The following U2AF2 variants were observed in gnomAD, a reference collection of about 807,000 sequenced individuals.
U2AF2 encodes U2 small nuclear RNA auxiliary factor 2.
Under a neutral mutation model 52.6 loss-of-function variants are expected in U2AF2, and 6 were observed. That is an observed-to-expected ratio of 0.11 (90% CI 0.06 to 0.23). U2AF2 has a LOEUF of 0.23. U2AF2 is among the 10% of genes least tolerant of loss of function. U2AF2 has a pLI of 1.00. For missense variants in U2AF2, 222 were observed against 677.1 expected (o/e 0.33, Z 7.46); for synonymous variants, 284 against 258.2 (o/e 1.10, Z -0.96).
intron 11 of U2AF2, among the ~76,000 whole-genome samples, chr19:55,672,670 G>A (rs562210974): frequency 6.6e-6 from 1 of 151,264 alleles, no homozygotes; most frequent in Admixed American, 6.6e-5. Context: ...ACAATAGCAT[G>A]ATTAGATTAG....
chr19:55,670,069 A>G (rs1021118214), intron 11 of U2AF2, among the ~76,000 whole-genome samples: 4 of 152,200 alleles, frequency 2.6e-5, no homozygotes, highest in Middle Eastern at 3.4e-3. Context: ...TGCCGGGAAC[A>G]GTCCCGAGAC....
rs993117469 is a variant in U2AF2, at chr19:55,668,137, T to G, written c.743-370T>G. The stretch of plus-strand genomic sequence containing the variant: ...GGTGGCTGTCAGAGAAGGGGTGGGG[T>G]GTGTTGTGACTCACCAGTAGGTCCC... On this transcript the variant is annotated intron_variant, in intron 7 of 11. Transcript: ENST00000308924. The surrounding 1 kb of genome is among the most constrained non-coding windows in gnomAD (Gnocchi z 5.5). 1.3e-5 allele frequency among the ~76,000 whole-genome samples: 2 copies of G among 151,654 alleles called. No individual in the cohort carries two copies. Among genetic ancestry groups the G allele is most frequent in the East Asian group, 3.9e-4 (2 of 5,182 alleles).
In U2AF2 at chr19:55,660,630, G is replaced by A. The variant is rs766298165; in HGVS notation, c.334+11G>A. ...ACAAGGCCATGCAAGGTAGGCCCCT[G>A]GCCAGGCTGCTCCCAGAGCGGGAGG... is the stretch of plus-strand genomic sequence containing the variant. On this transcript the variant is annotated intron_variant, in intron 4 of 11. Transcript: ENST00000308924. The A allele has an allele frequency of 6.2e-7, 1 of 1,611,374 alleles. No homozygotes were observed. Among genetic ancestry groups the A allele is most frequent in the Non-Finnish European group, 8.5e-7 (1 of 1,178,534 alleles).
At position 55,659,276 on chromosome 19, in the gene U2AF2, G is replaced by A. The variant is rs760990287; in HGVS notation, c.116G>A (p.Arg39His). ...HSRSRSRDRK[R>H]RSRSRDRRNR... Reference sequence around the variant, plus strand: ...CGCTCTCGGAGCCGGGACCGCAAACGCCGGAGCCGGAGCCGCGACCGGCGC... The same window carrying A: ...CGCTCTCGGAGCCGGGACCGCAAACACCGGAGCCGGAGCCGCGACCGGCGC... The change falls in exon 2 of 12, where the codon CGC becomes CAC. Residue 39 changes from arginine (R) to histidine (H), a missense_variant. Physicochemically the swap from Arg to His is conservative, Grantham distance 29. Transcript: ENST00000308924. 2.5e-6 allele frequency: 4 copies of A among 1,600,826 alleles called. No individual in the cohort carries two copies. Among genetic ancestry groups the A allele is most frequent in the East Asian group, 2.3e-5 (1 of 43,984 alleles).
chr19:55,658,625 T>A (rs1005085635), intron 1 of U2AF2, among the ~76,000 whole-genome samples: 2 of 152,176 alleles, frequency 1.3e-5, no homozygotes, highest in Non-Finnish European at 2.9e-5. Flanking sequence ...CCCTTCAGTC[T>A]GCAGATTCTC....
At chr19:55,660,887 C>T (rs1420869946) in intron 4 of U2AF2, 151 bp from the exon 5 acceptor site, 3 of 1,303,198 alleles carry the variant, frequency 2.3e-6, no homozygotes, top group East Asian at 2.6e-5. Context: ...TGGGTGGGGG[C>T]CCCGAGGGTG....
chr19:55,662,430 T>A, intron 5 of U2AF2, 72 bp from the exon 6 acceptor site: 1 of 499,384 alleles, frequency 2.0e-6, no homozygotes, highest in Non-Finnish European at 2.9e-6. Flanking sequence ...TGTGTCTCCC[T>A]CTCTCACCCT....
At chr19:55,663,799 C>T in intron 7 of U2AF2, 55 bp downstream of exon 7, 7 of 1,603,378 alleles carry the variant, frequency 4.4e-6, no homozygotes, top group Non-Finnish European at 6.0e-6. Flanking sequence ...TTCCCATGGC[C>T]TGTCCATCCC....
intron 7 of U2AF2, among the ~76,000 whole-genome samples, chr19:55,665,758 C>G (rs1222055276): frequency 6.6e-6 from 1 of 152,204 alleles, no homozygotes; most frequent in Non-Finnish European, 1.5e-5. Context: ...AAGCGATTCT[C>G]CTGCCTCAGC....
intron 11 of U2AF2, chr19:55,671,300 G>A (rs1406065148): frequency 6.6e-6 from 1 of 151,658 alleles, no homozygotes; most frequent in Non-Finnish European, 1.5e-5. Context: ...TTTGTGGGGA[G>A]GGGAGGAGAA....
At chr19:55,656,058 G>C (rs138454030) in intron 1 of U2AF2, among the ~76,000 whole-genome samples, 1 of 152,316 alleles carries the variant, frequency 6.6e-6, no homozygotes, top group East Asian at 1.9e-4. Flanking sequence ...GAAGGTGGGA[G>C]GCAGGTTCCC....
At chr19:55,661,288 T>C in intron 5 of U2AF2, 99 bp downstream of exon 5, 1 of 1,273,220 alleles carries the variant, frequency 7.9e-7, no homozygotes, top group Non-Finnish European at 1.0e-6. Flanking sequence ...GGTCAGACTC[T>C]GCTCCTGCAA....
At chr19:55,657,504 C>T (rs191847008) in intron 1 of U2AF2, among the ~76,000 whole-genome samples, 4 of 152,290 alleles carry the variant, frequency 2.6e-5, no homozygotes, top group African/African-American at 9.6e-5. Flanking sequence ...GCGTGGGTTC[C>T]TGTCTGCCTG....
intron 2 of U2AF2, 97 bp downstream of exon 2, chr19:55,659,442 G>A (rs1018131887): frequency 4.6e-5 from 61 of 1,340,234 alleles, no homozygotes; most frequent in East Asian, 6.1e-5. Context: ...GTCTGGGTCC[G>A]GGCCCTGTGT....
At position 55,655,098 on chromosome 19, in the gene U2AF2, C is replaced by A; in HGVS notation, c.-7C>A. 1.2e-6 allele frequency: 2 copies of A among 1,606,216 alleles called. No individual in the cohort carries two copies. ...AGCTGCACAGGGCCCTACGCGGCCG[C>A]CTCAGCATGTCGGACTTCGACGAGT... On this transcript the variant is annotated 5_prime_UTR_variant, in exon 1 of 12. Coordinates refer to ENST00000308924, the MANE Select transcript of U2AF2 (RefSeq NM_007279.3).
intron 1 of U2AF2, among the ~76,000 whole-genome samples, chr19:55,655,884 G>T (rs1448026863): frequency 6.6e-6 from 1 of 152,216 alleles, no homozygotes; most frequent in Non-Finnish European, 1.5e-5. Context: ...GCGGTCCCGA[G>T]AATCGCGATA....
chr19:55,661,537 C>G (rs1290129892), intron 5 of U2AF2, among the ~76,000 whole-genome samples: 1 of 128,644 alleles, frequency 7.8e-6, no homozygotes, highest in Non-Finnish European at 1.8e-5. Flanking sequence ...CACACACACA[C>G]ACACAGACGC....
In U2AF2 at chr19:55,668,553, CG is replaced by C; in HGVS notation, c.794del (p.Gly265AlafsTer6). ...VPDSAHKLFI[G>X]GLPNYLNDDQ... ...CCGACTCTGCCCACAAGCTGTTCAT[CG>C]GGGGCTTACCCAACTACCTGAACGA... On this transcript the variant is annotated frameshift_variant, in exon 8 of 12. Transcript: ENST00000308924. LOFTEE classifies it high-confidence loss of function. This position sits in a 1 kb window ranked among gnomAD's most constrained non-coding sequence, Gnocchi z 5.5. 1 of 1,608,362 alleles carries C rather than the reference CG, an allele frequency of 6.2e-7. No homozygotes were observed. The highest frequency in any genetic ancestry group is 8.5e-7 in the Non-Finnish European group (1 of 1,176,696).
At position 55,669,165 on chromosome 19, in the gene U2AF2, C is replaced by T. The variant is rs1433174301; in HGVS notation, c.1028C>T (p.Thr343Met). 1 of 1,613,788 alleles carries T rather than the reference C, an allele frequency of 6.2e-7. No homozygotes were observed. Among genetic ancestry groups the T allele is most frequent in the African/African-American group, 1.3e-5 (1 of 74,882 alleles). The change falls in exon 10 of 12, where the codon ACG (threonine) becomes ATG (methionine). Residue 343 changes from threonine (T) to methionine (M), a missense_variant. Thr to Met is a moderately conservative substitution (Grantham distance 81). Around this residue, in one of 4 missense-constraint regions of U2AF2, gnomAD observed 16 missense variants for 203.1 expected, o/e 0.08. Transcript: ENST00000308924. ...QRASVGAKNA[T>M]LVSPPSTINQ... ...GCGAGTGTGGGAGCCAAGAATGCCA[C>T]GCTGGTGAGCCCCCCGGCACGTCAT...
Sources: gnomAD v4.1 joint callset for allele counts (sites outside exome capture counted in the v4.1 genomes callset) on GRCh38, gnomAD v4.1.1 for gene constraint, gnomAD v4.1.1 regional missense constraint, Gnocchi (gnomAD v3.1) non-coding constraint, MANE v1.5 for transcripts, NCBI Gene and HGNC (gene_info 2026-07-23, HGNC 2026-07-21) for gene names.